The following SASH1 variants were observed in gnomAD, a reference collection of about 807,000 sequenced individuals.
SASH1 encodes the protein SAM and SH3 domain containing 1, also known as SAM and SH3 domain-containing protein 1.
A neutral mutation model predicts 125.2 loss-of-function variants in SASH1; 44 were observed. The ratio of observed to expected loss-of-function variants is 0.35; its 90% CI spans 0.28 to 0.45. The LOEUF (loss-of-function observed/expected upper bound fraction) is 0.45. Among genes scored for constraint, SASH1 ranks in the 20% least tolerant of loss-of-function variants. The pLI, the probability that SASH1 is intolerant of heterozygous loss-of-function variation, is 1.00. For missense variants in SASH1, 1,426 were observed against 1,614.5 expected (o/e 0.88, Z 2.00); for synonymous variants, 639 against 649.1 (o/e 0.98, Z 0.24).
rs187412689 is a variant in SASH1 at position 148,390,359 on chromosome 6, A to G, written c.285+97A>G. 5.8e-3 allele frequency: 7,222 copies of G among 1,240,034 alleles called. 42 individuals carry two copies. Among genetic ancestry groups the G allele is most frequent in the Non-Finnish European group, 7.0e-3 (6,231 of 891,860 alleles). The allele number at this position is 1,240,034 out of a possible 1,614,324, so 76.8% of individuals were successfully genotyped here. On this transcript the variant is annotated intron_variant, in intron 2 of 19. Coordinates refer to ENST00000367467, the MANE Select transcript of SASH1 (RefSeq NM_015278.5). ...TCCCAGTGCTAGCTCTTCCTGGGGT[A>G]TCAATCTGTAGGCTGCTGCACTAGT...
At chr6:148,445,093 C>T (rs1275100098) in intron 4 of SASH1, among the ~76,000 whole-genome samples, 3 of 152,160 alleles carry the variant, frequency 2.0e-5, no homozygotes, top group Non-Finnish European at 1.5e-5. Context: ...ATATAATGAG[C>T]AGTGAGGATG....
chr6:148,327,939 T>TAAAAAA (rs569288406), intron 1 of SASH1, among the ~76,000 whole-genome samples: 1 of 121,280 alleles, frequency 8.2e-6, no homozygotes, highest in Non-Finnish European at 1.7e-5. Flanking sequence ...AGACTCTGTC[T>TAAAAAA]AAAAAAAAAA....
intron 15 of SASH1, 104 bp downstream of exon 15, chr6:148,534,084 G>A (rs1781692454): frequency 1.1e-6 from 1 of 939,218 alleles, no homozygotes; most frequent in Non-Finnish European, 1.6e-6. Flanking sequence ...GGGCTGATCT[G>A]TGTGGTCCAA....
chr6:148,399,325 C>T (rs909187657), intron 2 of SASH1, among the ~76,000 whole-genome samples: 2 of 142,614 alleles, frequency 1.4e-5, no homozygotes, highest in Admixed American at 7.5e-5. Flanking sequence ...TCAAGTGATT[C>T]TCCTGCCTCA....
chr6:148,340,086 G>T (rs1781276731), upstream of SASH1, among the ~76,000 whole-genome samples: 1 of 152,166 alleles, frequency 6.6e-6, no homozygotes, highest in South Asian at 2.1e-4. Flanking sequence ...AGCCCCAACT[G>T]CCCGGCTTGC....
At position 148,474,144 on chromosome 6, in the gene SASH1, G is replaced by A. The variant is rs140254763; in HGVS notation, c.549G>A (p.Thr183=). Residue 183 remains threonine, a synonymous_variant, in exon 7 of 20, where the codon ACG becomes ACA. Transcript: ENST00000367467. Reference sequence around the variant, plus strand: ...TTGGTTATGTTGCCAGTGAAATAACGATGAGCGATGAGGAGCGGATTCAGC... The same window carrying A: ...TTGGTTATGTTGCCAGTGAAATAACAATGAGCGATGAGGAGCGGATTCAGC... ...EDVGYVASEI[T]MSDEERIQLM... The A allele has an allele frequency of 1.2e-5, 19 of 1,611,814 alleles. No homozygotes were observed. The highest frequency in any genetic ancestry group is 4.0e-5 in the African/African-American group (3 of 74,900).
chr6:148,268,096 C>T (rs1778985538), upstream of SASH1, among the ~76,000 whole-genome samples: 1 of 152,112 alleles, frequency 6.6e-6, no homozygotes, highest in African/African-American at 2.4e-5. Context: ...CCGTTTAGTT[C>T]CTGAACTTTC....
chr6:148,373,737 A>G (rs1176450284), intron 1 of SASH1, among the ~76,000 whole-genome samples: 3 of 151,892 alleles, frequency 2.0e-5, no homozygotes, highest in African/African-American at 4.9e-5. Context: ...TGGGAGGCCA[A>G]GGTGGGGGGG....
intron 4 of SASH1, among the ~76,000 whole-genome samples, chr6:148,446,371 G>A (rs1776794550): frequency 2.0e-5 from 3 of 152,142 alleles, no homozygotes; most frequent in Admixed American, 2.0e-4. Context: ...GCCTCCTAAA[G>A]TGCTGGGATG....
intron 8 of SASH1, among the ~76,000 whole-genome samples, chr6:148,489,158 T>C (rs1343678630): frequency 1.3e-5 from 2 of 152,224 alleles, no homozygotes; most frequent in Non-Finnish European, 2.9e-5. Context: ...TGATGAAATA[T>C]ATGGGTCCAA....
intron 1 of SASH1, among the ~76,000 whole-genome samples, chr6:148,322,169 G>A (rs1033755212): frequency 2.0e-5 from 3 of 151,952 alleles, no homozygotes; most frequent in Non-Finnish European, 4.4e-5. Context: ...TGGCCAACAT[G>A]GTGAAACTCC....
the SASH1 span, among the ~76,000 whole-genome samples, chr6:148,260,790 T>C: frequency 7.2e-6 from 1 of 138,416 alleles, no homozygotes; most frequent in African/African-American, 2.7e-5. Flanking sequence ...AAATCTCCTA[T>C]AAGGGCTTTT....
chr6:148,392,114 G>A lies in SASH1; in HGVS notation c.285+1852G>A, dbSNP rs529149749. 9.9e-5 allele frequency among the ~76,000 whole-genome samples: 15 copies of A among 152,094 alleles called. No homozygotes were observed. The South Asian group carries it at 1.0e-3, about 11-fold the overall frequency. On this transcript the variant is annotated intron_variant, in intron 2 of 19. Coordinates refer to ENST00000367467, the MANE Select transcript of SASH1 (RefSeq NM_015278.5). The stretch of plus-strand genomic sequence containing the variant: ...AGCCTGACCAACACGGAGAAACCCC[G>A]TCTCTACTAAAAAAATATAAAATTA...
the SASH1 span, among the ~76,000 whole-genome samples, chr6:148,253,016 G>C: frequency 6.6e-6 from 1 of 152,194 alleles, no homozygotes; most frequent in Non-Finnish European, 1.5e-5. Flanking sequence ...CTCGGCACAC[G>C]TGCAAGCCAC....
chr6:148,414,688 C>T (rs981220168), intron 2 of SASH1, among the ~76,000 whole-genome samples: 2 of 151,652 alleles, frequency 1.3e-5, no homozygotes, highest in African/African-American at 4.8e-5. Context: ...TTTTTTGAGA[C>T]AGGGTCTTGT....
chr6:148,307,046 TTCTTTCTTTCTTTC>T (rs1435361698), intron 1 of SASH1, among the ~76,000 whole-genome samples: 1 of 120,698 alleles, frequency 8.3e-6, no homozygotes, highest in Non-Finnish European at 1.7e-5. Context: ...CTTTCTTTCT[TTCTTTCTTTCTTTC>T]TTTCTTTCTT....
At chr6:148,263,087 T>C in the SASH1 span, among the ~76,000 whole-genome samples, 1 of 152,156 alleles carries the variant, frequency 6.6e-6, no homozygotes, top group Admixed American at 6.5e-5. Context: ...GCAGACAGCA[T>C]TGCAGAGAGA....
chr6:148,526,046 CTTTTTT>C (rs34023266), intron 11 of SASH1, among the ~76,000 whole-genome samples: 11 of 54,158 alleles, frequency 2.0e-4, no homozygotes, highest in African/African-American at 4.2e-4. Flanking sequence ...GAAGGTGAGT[CTTTTTT>C]TTTTTTTTTT....
chr6:148,341,742 G>C (rs1416232785), upstream of SASH1, among the ~76,000 whole-genome samples: 6 of 151,732 alleles, frequency 4.0e-5, no homozygotes. Flanking sequence ...CTCAAAACAA[G>C]CAGGGCTCTC....
Sources: allele counts gnomAD v4.1 joint callset (sites outside exome capture counted in the v4.1 genomes callset), GRCh38; gene constraint gnomAD v4.1.1; transcripts MANE v1.5; gene names NCBI Gene and HGNC (gene_info 2026-07-23, HGNC 2026-07-21).